CNTN6: variants seen among roughly 807,000 people sequenced by gnomAD.
CNTN6 encodes the protein contactin 6, also known as contactin-6.
Under a neutral mutation model 122.8 loss-of-function variants are expected in CNTN6, and 137 were observed. The ratio of observed to expected loss-of-function variants is 1.12; its 90% CI spans 0.97 to 1.29. The LOEUF (loss-of-function observed/expected upper bound fraction) is 1.29, where lower values mean the gene tolerates loss of function less well. Ranked by LOEUF, CNTN6 falls within the 50% of genes most tolerant of loss-of-function variation. The probability of loss-of-function intolerance (pLI) is 0.00; values close to 1 mark genes in which losing one functional copy is unlikely to be tolerated. For synonymous variants in CNTN6, 570 were observed against 426.0 expected (o/e 1.34, Z -4.16); for missense variants, 1,634 against 1,223.4 (o/e 1.34, Z -5.01).
intron 2 of CNTN6, among the ~76,000 whole-genome samples, chr3:1,200,197 C>A (rs1025118678): frequency 1.3e-5 from 2 of 152,174 alleles, no homozygotes; most frequent in East Asian, 3.8e-4. Context: ...CCACGCCTGG[C>A]TAATTTTTGT....
At chr3:1,107,167 C>T (rs1574865973) in intron 1 of CNTN6, among the ~76,000 whole-genome samples, 1 of 152,154 alleles carries the variant, frequency 6.6e-6, no homozygotes, top group African/African-American at 2.4e-5. Context: ...AAACCATAGC[C>T]TAGTCAAGTT....
At chr3:1,121,981 G>A (rs2091964656) in intron 1 of CNTN6, among the ~76,000 whole-genome samples, 1 of 151,760 alleles carries the variant, frequency 6.6e-6, no homozygotes, top group Non-Finnish European at 1.5e-5. Flanking sequence ...TTTCACTTTG[G>A]GCAGGTGTTC....
intron 4 of CNTN6, among the ~76,000 whole-genome samples, chr3:1,259,522 C>G (rs928191476): frequency 6.6e-6 from 1 of 151,926 alleles, no homozygotes; most frequent in African/African-American, 2.4e-5. Flanking sequence ...TATTTAATTT[C>G]TATTTTGGGA....
intron 12 of CNTN6, among the ~76,000 whole-genome samples, chr3:1,360,079 A>T (rs1707231960): frequency 1.3e-5 from 2 of 152,108 alleles, no homozygotes; most frequent in South Asian, 4.1e-4. Context: ...TTGAGAAATA[A>T]TCCAAGAGAT....
At chr3:1,320,400 T>C (rs535935155) in intron 7 of CNTN6, among the ~76,000 whole-genome samples, 2 of 151,844 alleles carry the variant, frequency 1.3e-5, no homozygotes, top group Non-Finnish European at 2.9e-5. Flanking sequence ...GTGTTCTTGC[T>C]TGAAGCTTCT....
chr3:1,372,583 G>T (rs1709207182), intron 13 of CNTN6, 109 bp downstream of exon 13: 1 of 948,446 alleles, frequency 1.1e-6, no homozygotes, highest in Non-Finnish European at 1.5e-6. Context: ...GATAATCACT[G>T]ACTGTTTTTG....
At chr3:1,242,674 A>G (rs1198623630) in intron 4 of CNTN6, among the ~76,000 whole-genome samples, 1 of 152,116 alleles carries the variant, frequency 6.6e-6, no homozygotes, top group African/African-American at 2.4e-5. Flanking sequence ...ATATGAGAGG[A>G]AGACGCGAAG....
intron 1 of CNTN6, among the ~76,000 whole-genome samples, chr3:1,100,093 T>G (rs568285134): frequency 1.3e-5 from 2 of 152,298 alleles, no homozygotes; most frequent in South Asian, 4.1e-4. Context: ...TTTAGACTTA[T>G]GACGTGATTT....
chr3:1,380,927 T>A (rs760436436), intron 17 of CNTN6, among the ~76,000 whole-genome samples: 2 of 152,202 alleles, frequency 1.3e-5, no homozygotes, highest in Non-Finnish European at 2.9e-5. Context: ...CTGAACACTG[T>A]CTCCACTTAA....
intron 7 of CNTN6, among the ~76,000 whole-genome samples, chr3:1,308,787 T>C (rs575113463): frequency 6.6e-6 from 1 of 151,938 alleles, no homozygotes; most frequent in African/African-American, 2.4e-5. Flanking sequence ...CAGCATTTGA[T>C]ATTGTGTGTG....
intron 1 of CNTN6, among the ~76,000 whole-genome samples, chr3:1,122,219 C>T (rs1175163968): frequency 1.3e-5 from 2 of 150,786 alleles, no homozygotes; most frequent in Admixed American, 1.3e-4. Context: ...CCAGATATAC[C>T]ACAGTATGAC....
intron 1 of CNTN6, among the ~76,000 whole-genome samples, chr3:1,118,932 G>T (rs1049828047): frequency 1.3e-5 from 2 of 151,970 alleles, no homozygotes; most frequent in Non-Finnish European, 2.9e-5. Context: ...ATTTACAAAT[G>T]TAATCTCTGA....
At chr3:1,099,130 A>G (rs1434792550) in intron 1 of CNTN6, among the ~76,000 whole-genome samples, 1 of 152,070 alleles carries the variant, frequency 6.6e-6, no homozygotes, top group Non-Finnish European at 1.5e-5. Context: ...CTCATTCCAT[A>G]TTAGACTATT....
At chr3:1,333,813 C>A (rs1039919492) in intron 11 of CNTN6, among the ~76,000 whole-genome samples, 1 of 152,102 alleles carries the variant, frequency 6.6e-6, no homozygotes, top group Non-Finnish European at 1.5e-5. Flanking sequence ...TTCCATCACA[C>A]AGCTAATAAG....
intron 20 of CNTN6, among the ~76,000 whole-genome samples, chr3:1,389,694 G>T (rs888495258): frequency 6.6e-6 from 1 of 151,608 alleles, no homozygotes; most frequent in Non-Finnish European, 1.5e-5. Context: ...GACACACATA[G>T]GCTCAAAAGG....
rs998010976 is a variant in CNTN6, at chr3:1,382,734, A to C, written c.2167-208A>C. 2.6e-5 allele frequency among the ~76,000 whole-genome samples: 4 copies of C among 152,202 alleles called. No homozygotes were observed. In the East Asian group the frequency reaches 7.7e-4, roughly 29 times the overall value. On this transcript the variant is annotated intron_variant, in intron 17 of 22. Coordinates refer to ENST00000446702, the MANE Select transcript of CNTN6 (RefSeq NM_001289080.2). ...AAAGCTTGTTTTATATTTCTATCTGAAAACTTAAACTATTTATCTGAGTAT... is the reference window on the plus strand; with the variant it reads ...AAAGCTTGTTTTATATTTCTATCTGCAAACTTAAACTATTTATCTGAGTAT...
At chr3:1,282,987 T>A (rs1429842938) in intron 5 of CNTN6, among the ~76,000 whole-genome samples, 3 of 152,162 alleles carry the variant, frequency 2.0e-5, no homozygotes, top group Non-Finnish European at 2.9e-5. Context: ...AACTCTTTTT[T>A]TTTGAGAGGG....
intron 2 of CNTN6, among the ~76,000 whole-genome samples, chr3:1,152,141 T>G (rs2092858829): frequency 1.3e-5 from 2 of 152,228 alleles, no homozygotes; most frequent in South Asian, 4.1e-4. Flanking sequence ...TTTGTTTGTT[T>G]GTTTGTTTGT....
At chr3:1,343,623 C>A (rs540626771) in intron 11 of CNTN6, among the ~76,000 whole-genome samples, 9 of 152,010 alleles carry the variant, frequency 5.9e-5, no homozygotes, top group African/African-American at 2.2e-4. Flanking sequence ...TTATTAAGTA[C>A]CTGCTAACTG....
Sources: allele counts gnomAD v4.1 joint callset (sites outside exome capture counted in the v4.1 genomes callset), GRCh38; gene constraint gnomAD v4.1.1; transcripts MANE v1.5; gene names NCBI Gene and HGNC (gene_info 2026-07-23, HGNC 2026-07-21).